Variants in GADL1 observed in about 807,000 individuals in gnomAD.
GADL1 encodes the protein acidic amino acid decarboxylase GADL1.
Under a neutral mutation model 69.5 loss-of-function variants are expected in GADL1, and 71 were observed. The ratio of observed to expected loss-of-function variants is 1.02; its 90% confidence interval spans 0.84 to 1.25. GADL1 has a LOEUF of 1.25. GADL1 is among the 50% of genes most tolerant of loss of function. GADL1 has a pLI of 0.00. For missense variants in GADL1, 737 were observed against 631.8 expected, an observed-to-expected ratio of 1.17 and a Z score of -1.79; for synonymous variants, 254 against 214.4, an observed-to-expected ratio of 1.18 and a Z score of -1.62.
chr3:30,777,423 C>T (rs1184803131), intron 14 of GADL1, among the ~76,000 whole-genome samples: 2 of 152,096 alleles, frequency 1.3e-5, no homozygotes, highest in African/African-American at 2.4e-5. Flanking sequence ...ATGTCATGGC[C>T]ACATAATCCC....
chr3:30,844,148 A>G lies in GADL1; in HGVS notation c.786+62T>C, dbSNP rs2125528625. The G allele has an allele frequency of 5.5e-6, 7 of 1,267,484 alleles. No individual in the cohort carries two copies. In the South Asian group the frequency reaches 9.6e-5, roughly 17 times the overall value. 78.5% of individuals were successfully genotyped at this position (1,267,484 alleles called of 1,614,324 possible). On this transcript the variant is annotated intron_variant, in intron 8 of 14. Coordinates refer to ENST00000282538, the MANE Select transcript of GADL1 (RefSeq NM_207359.3). ...TCCTTGCTATTCCCTCTCTTTCATA[A>G]GCGCGCGGGCGTGCGCGCACACACA...
At chr3:30,765,286 TATG>T (rs779595203) in intron 14 of GADL1, among the ~76,000 whole-genome samples, 33 of 141,348 alleles carry the variant, frequency 2.3e-4, no homozygotes, top group African/African-American at 4.3e-4. Flanking sequence ...CAGATAAAAA[TATG>T]ATCCTAGGTT....
chr3:30,817,407 C>CT (rs1697494971), intron 11 of GADL1, among the ~76,000 whole-genome samples: 1 of 152,126 alleles, frequency 6.6e-6, no homozygotes, highest in Admixed American at 6.5e-5. Flanking sequence ...CAATCACAAG[C>CT]TTTTTAAACA....
intron 12 of GADL1, among the ~76,000 whole-genome samples, chr3:30,787,282 GA>G (rs758845232): frequency 2.6e-5 from 4 of 152,170 alleles, no homozygotes; most frequent in Non-Finnish European, 5.9e-5. Flanking sequence ...AATGTTGGGG[GA>G]AAGAGAATTG....
chr3:30,764,797 A>G (rs941877785), intron 14 of GADL1, among the ~76,000 whole-genome samples: 3 of 152,206 alleles, frequency 2.0e-5, no homozygotes, highest in Non-Finnish European at 4.4e-5. Flanking sequence ...GGTTGTACTG[A>G]CAATCTCCAT....
intron 1 of GADL1, among the ~76,000 whole-genome samples, chr3:30,862,818 G>C (rs1319331828): frequency 6.6e-6 from 1 of 151,786 alleles, no homozygotes; most frequent in Non-Finnish European, 1.5e-5. Context: ...CTTCCTTTAG[G>C]TGCGTGTAGC....
intron 14 of GADL1, among the ~76,000 whole-genome samples, chr3:30,737,981 T>G (rs904030424): frequency 3.9e-5 from 6 of 152,178 alleles, no homozygotes; most frequent in Non-Finnish European, 8.8e-5. Flanking sequence ...ATGTCAGTCA[T>G]ATATTCAAGG....
chr3:30,795,481 C>A (rs4955330), intron 12 of GADL1, among the ~76,000 whole-genome samples: 16,486 of 152,060 alleles, frequency 0.11, 1,870 homozygotes, highest in East Asian at 0.48. Flanking sequence ...GAAATATTTA[C>A]ACCATGAAAA....
At chr3:30,884,183 C>T (rs1698676401) in intron 1 of GADL1, among the ~76,000 whole-genome samples, 1 of 151,924 alleles carries the variant, frequency 6.6e-6, no homozygotes, top group South Asian at 2.1e-4. Flanking sequence ...AAAGCAACAG[C>T]CACAGTAGTC....
intron 12 of GADL1, among the ~76,000 whole-genome samples, chr3:30,793,884 A>G (rs779876510): frequency 6.6e-6 from 1 of 152,134 alleles, no homozygotes; most frequent in Non-Finnish European, 1.5e-5. Flanking sequence ...CTTCTGATGC[A>G]TTGAGCCTCC....
intron 1 of GADL1, among the ~76,000 whole-genome samples, chr3:30,877,167 C>T (rs144605387): frequency 7.9e-4 from 120 of 151,958 alleles, no homozygotes; most frequent in African/African-American, 2.7e-3. Flanking sequence ...CTATGGAGGT[C>T]ACATAGCTGA....
intron 6 of GADL1, among the ~76,000 whole-genome samples, chr3:30,849,664 A>C (rs1406153545): frequency 6.6e-6 from 1 of 152,178 alleles, no homozygotes; most frequent in Admixed American, 6.5e-5. Context: ...TGAGTAGAAG[A>C]CATAGCTGAG....
At chr3:30,728,442 G>A (rs758158852) in intron 14 of GADL1, 27 bp from the exon 15 acceptor site, 3 of 1,595,500 alleles carry the variant, frequency 1.9e-6, no homozygotes, top group Non-Finnish European at 2.6e-6. Context: ...GGGGAGAGGG[G>A]TGAAAGACCA....
At chr3:30,875,015 T>C (rs983739548) in intron 1 of GADL1, among the ~76,000 whole-genome samples, 9 of 151,922 alleles carry the variant, frequency 5.9e-5, no homozygotes, top group African/African-American at 2.2e-4. Context: ...AAGATTGAGA[T>C]GGCTGGGTCT....
intron 12 of GADL1, among the ~76,000 whole-genome samples, chr3:30,795,881 A>G (rs1575209318): frequency 6.6e-6 from 1 of 152,322 alleles, no homozygotes; most frequent in Non-Finnish European, 1.5e-5. Flanking sequence ...TATGAGTAAC[A>G]GCAGGAAAGA....
chr3:30,820,089 T>C (rs754242745), intron 11 of GADL1, among the ~76,000 whole-genome samples: 8 of 151,906 alleles, frequency 5.3e-5, no homozygotes, highest in Admixed American at 1.3e-4. Context: ...ATCTATATTA[T>C]GTACATGGAG....
chr3:30,765,060 T>G (rs1216959081), intron 14 of GADL1, among the ~76,000 whole-genome samples: 1 of 152,112 alleles, frequency 6.6e-6, no homozygotes, highest in African/African-American at 2.4e-5. Flanking sequence ...ACTGATGATT[T>G]GACCAGCAGA....
rs775097826 is a variant in GADL1 at position 30,801,004 on chromosome 3, C to G, written c.1135G>C (p.Asp379His). Residue 379 changes from aspartate to histidine, a missense_variant, in exon 12 of 15, where the codon GAC (aspartate) becomes CAC (histidine). Transcript: ENST00000282538. ...CTTCTGCTACACTGGATAGACTTGT[C>G]TCCTGTGTCATAGCTCACATCATAG... ...KFYDVSYDTGDKSIQCSRRPD... is the reference protein window; with the variant it reads ...KFYDVSYDTGHKSIQCSRRPD... The G allele has an allele frequency of 1.2e-6, 2 of 1,613,664 alleles. No homozygotes were observed. The highest frequency in any genetic ancestry group is 1.3e-5 in the African/African-American group (1 of 75,022).
At chr3:30,885,647 A>G (rs1197607250) in intron 1 of GADL1, among the ~76,000 whole-genome samples, 3 of 152,236 alleles carry the variant, frequency 2.0e-5, no homozygotes, top group East Asian at 3.9e-4. Flanking sequence ...ATATGTATAA[A>G]TGGATGATTA....
Sources: allele counts gnomAD v4.1 joint callset (sites outside exome capture counted in the v4.1 genomes callset), GRCh38; gene constraint gnomAD v4.1.1; transcripts MANE v1.5; gene names NCBI Gene and HGNC (gene_info 2026-07-23, HGNC 2026-07-21).